Variants in PPFIBP1 observed in about 807,000 individuals in gnomAD.
PPFIBP1 encodes liprin-beta-1.
A neutral mutation model predicts 137.8 loss-of-function variants in PPFIBP1; 112 were observed. The observed-to-expected ratio is 0.81, with a 90% CI of 0.70 to 0.95. The LOEUF (loss-of-function observed/expected upper bound fraction) is 0.95, where lower values mean the gene tolerates loss of function less well. PPFIBP1 is among the 40% of genes least tolerant of loss of function. The probability of loss-of-function intolerance (pLI) is 0.00; values close to 1 mark genes in which losing one functional copy is unlikely to be tolerated. For synonymous variants in PPFIBP1, 378 were observed against 417.3 expected, an observed-to-expected ratio of 0.91 and a Z score of 1.15; for missense variants, 1,083 against 1,196.6, an observed-to-expected ratio of 0.91 and a Z score of 1.40.
chr12:27,528,387 G>A (rs941498684), intron 1 of PPFIBP1, among the ~76,000 whole-genome samples: 1 of 152,146 alleles, frequency 6.6e-6, no homozygotes, highest in African/African-American at 2.4e-5. Context: ...GTAATTCAGT[G>A]CATCAGTAGT....
intron 4 of PPFIBP1, among the ~76,000 whole-genome samples, chr12:27,645,762 CT>C (rs549841969): frequency 5.4e-4 from 82 of 152,288 alleles, no homozygotes; most frequent in African/African-American, 1.9e-3. Flanking sequence ...TTGCCTGCCC[CT>C]GGGTGTGTGT....
chr12:27,677,142 A>G, intron 19 of PPFIBP1, 46 bp downstream of exon 19: 2 of 1,609,540 alleles, frequency 1.2e-6, no homozygotes, highest in Non-Finnish European at 1.7e-6. Context: ...TGTGCTCCAA[A>G]CCAATCTAAT....
chr12:27,651,746 GTTAAC>G (rs1291624161), intron 7 of PPFIBP1, among the ~76,000 whole-genome samples: 2 of 152,170 alleles, frequency 1.3e-5, no homozygotes, highest in Non-Finnish European at 2.9e-5. Flanking sequence ...TTCACCTGTT[GTTAAC>G]TTAATTTGTA....
intron 24 of PPFIBP1, among the ~76,000 whole-genome samples, chr12:27,683,826 C>T (rs747577188): frequency 2.0e-5 from 3 of 151,872 alleles, no homozygotes; most frequent in African/African-American, 7.3e-5. Context: ...CTCGCTCTGT[C>T]GCCCAGGCTG....
At chr12:27,623,423 G>A (rs1400970048) in intron 2 of PPFIBP1, among the ~76,000 whole-genome samples, 3 of 152,190 alleles carry the variant, frequency 2.0e-5, no homozygotes, top group Non-Finnish European at 2.9e-5. Flanking sequence ...GTCATGGCTC[G>A]GTGCAGTGTC....
chr12:27,644,525 C>T (rs531768783), intron 4 of PPFIBP1, among the ~76,000 whole-genome samples: 1 of 152,242 alleles, frequency 6.6e-6, no homozygotes, highest in African/African-American at 2.4e-5. Flanking sequence ...TAAAGCTCTA[C>T]AGGGCCTGTC....
Position 27,639,905 on chromosome 12 carries a change from C to T in PPFIBP1, c.270+4790C>T, listed in dbSNP as rs375548397. On this transcript the variant is annotated intron_variant, in intron 4 of 29. Coordinates refer to ENST00000228425, the MANE Select transcript of PPFIBP1 (RefSeq NM_003622.4). ...CTGACTCCCAGCCCCACGAAGCAGT[C>T]CCCGTCCTACCACCCTCCGATCCCT... is the stretch of plus-strand genomic sequence containing the variant. Among the ~76,000 whole-genome samples, 139 of 152,298 alleles carry T rather than the reference C, an allele frequency of 9.1e-4. 1 individual carries two copies. Among genetic ancestry groups the T allele is most frequent in the African/African-American group, 3.2e-3 (134 of 41,578 alleles).
At position 27,640,061 on chromosome 12, in the gene PPFIBP1, A is replaced by G. The variant is rs147209826; in HGVS notation, c.270+4946A>G. Among the ~76,000 whole-genome samples, 1,437 of 152,358 alleles carry G rather than the reference A, an allele frequency of 9.4e-3. 31 individuals are homozygous for G. Among genetic ancestry groups the G allele is most frequent in the African/African-American group, 0.033 (1,378 of 41,576 alleles). On this transcript the variant is annotated intron_variant, in intron 4 of 29. Transcript: ENST00000228425. The stretch of plus-strand genomic sequence containing the variant: ...AATTATCTGAGTTATGCGGTGCCTC[A>G]CTGAGACATCCTAGCTAAAATTAAG...
intron 2 of PPFIBP1, among the ~76,000 whole-genome samples, chr12:27,617,369 A>G (rs1255465405): frequency 6.6e-6 from 1 of 152,212 alleles, no homozygotes; most frequent in African/African-American, 2.4e-5. Context: ...GGTCCACAAG[A>G]TGGACTTAAT....
At position 27,592,788 on chromosome 12, in the gene PPFIBP1, A is replaced by G. The variant is rs192792610; in HGVS notation, c.-36+14549A>G. 268 of 722,788 alleles carry G rather than the reference A, an allele frequency of 3.7e-4. 2 individuals are homozygous for G. The African/African-American group carries it at 3.7e-3, about 10-fold the overall frequency. 44.8% of individuals were successfully genotyped at this position (722,788 alleles called of 1,614,324 possible). ...AAGAATATGTTAGGTAGGCGTAACC[A>G]TGACAGCAGCCAAGTCAACATTTAC... On this transcript the variant is annotated intron_variant, in intron 2 of 29. Transcript: ENST00000228425.
intron 2 of PPFIBP1, among the ~76,000 whole-genome samples, chr12:27,594,809 AAC>A (rs1218678460): frequency 6.6e-6 from 1 of 152,152 alleles, no homozygotes; most frequent in Non-Finnish European, 1.5e-5. Context: ...TATTTATATA[AAC>A]ACACACATAT....
intron 2 of PPFIBP1, among the ~76,000 whole-genome samples, chr12:27,610,599 A>C (rs1053971883): frequency 4.6e-5 from 7 of 152,176 alleles, no homozygotes; most frequent in Admixed American, 4.6e-4. Flanking sequence ...ATGGGAGGAG[A>C]CTTAAGTCTT....
intron 2 of PPFIBP1, among the ~76,000 whole-genome samples, chr12:27,589,516 C>A (rs1022099145): frequency 1.3e-5 from 2 of 152,204 alleles, no homozygotes; most frequent in South Asian, 2.1e-4. Context: ...GTCCTGCTTT[C>A]TAATATATAG....
intron 1 of PPFIBP1, among the ~76,000 whole-genome samples, chr12:27,533,115 C>T (rs2135838683): frequency 6.6e-6 from 1 of 152,248 alleles, no homozygotes; most frequent in Admixed American, 6.5e-5. Context: ...ATCCTTCTGA[C>T]TCAGCCTCCC....
Position 27,635,092 on chromosome 12 carries a change from G to A in PPFIBP1, c.247G>A (p.Val83Ile), listed in dbSNP as rs1295796808. ...QIPDSTAETL[V>I]EWLQSQMTNG... The stretch of plus-strand genomic sequence containing the variant: ...CCCAGATTCAACAGCAGAAACGCTT[G>A]TTGAATGGCTTCAGAGTCAAATGGT... Residue 83 changes from valine (V) to isoleucine (I), a missense_variant, in exon 4 of 30, where the codon GTT (valine) becomes ATT (isoleucine). Physicochemically the swap from Val to Ile is conservative, Grantham distance 29. Transcript: ENST00000228425. 6.2e-7 allele frequency: 1 copy of A among 1,614,066 alleles called. No homozygotes were observed. The highest frequency in any genetic ancestry group is 1.3e-5 in the African/African-American group (1 of 74,942).
intron 2 of PPFIBP1, among the ~76,000 whole-genome samples, chr12:27,598,979 A>G (rs1050482074): frequency 6.6e-6 from 1 of 152,224 alleles, no homozygotes; most frequent in Non-Finnish European, 1.5e-5. Flanking sequence ...TTGTGGATTT[A>G]TAATGTTTTA....
At chr12:27,574,515 A>C (rs1187124749) in intron 1 of PPFIBP1, among the ~76,000 whole-genome samples, 3 of 152,218 alleles carry the variant, frequency 2.0e-5, no homozygotes, top group Non-Finnish European at 4.4e-5. Flanking sequence ...AAGCTTTTAT[A>C]TTCCCAGTAC....
intron 2 of PPFIBP1, among the ~76,000 whole-genome samples, chr12:27,594,714 A>T (rs1377938139): frequency 6.6e-6 from 1 of 152,264 alleles, no homozygotes; most frequent in Non-Finnish European, 1.5e-5. Flanking sequence ...GTAGAAAAGT[A>T]TGAAGACAAA....
intron 2 of PPFIBP1, among the ~76,000 whole-genome samples, chr12:27,615,249 G>T (rs577017684): frequency 3.0e-4 from 45 of 152,264 alleles, no homozygotes; most frequent in African/African-American, 1.0e-3. Flanking sequence ...TTCCCGTGTC[G>T]CATGTTTTCA....
Sources: allele counts gnomAD v4.1 joint callset (sites outside exome capture counted in the v4.1 genomes callset), GRCh38; gene constraint gnomAD v4.1.1; transcripts MANE v1.5; gene names NCBI Gene and HGNC (gene_info 2026-07-23, HGNC 2026-07-21).